The following LSM11 variants were observed in gnomAD, a reference collection of about 807,000 sequenced individuals.
LSM11 encodes U7 snRNA-associated Sm-like protein LSm11.
Under a neutral mutation model 28.1 loss-of-function variants are expected in LSM11, and 14 were observed. The ratio of observed to expected loss-of-function variants is 0.50; its 90% CI spans 0.33 to 0.78. LSM11 has a LOEUF of 0.78. LSM11 is among the 30% of genes least tolerant of loss of function. LSM11 has a pLI of 0.02. For missense variants in LSM11, 495 were observed against 510.6 expected (o/e 0.97, Z 0.30); for synonymous variants, 207 against 214.2 (o/e 0.97, Z 0.30).
At chr5:157,753,828 T>G (rs190176288) in intron 2 of LSM11, among the ~76,000 whole-genome samples, 176 bp from the exon 3 acceptor site, 3 of 152,320 alleles carry the variant, frequency 2.0e-5, no homozygotes, top group Admixed American at 6.5e-5. Flanking sequence ...CTTAAAAATA[T>G]TACACAGAAG....
chr5:157,752,681 T>C (rs1405291008), intron 2 of LSM11, among the ~76,000 whole-genome samples: 2 of 151,270 alleles, frequency 1.3e-5, no homozygotes, highest in African/African-American at 4.9e-5. Context: ...CCCCCATCTC[T>C]ACTAAAAATA....
At position 157,757,467 on chromosome 5, in the gene LSM11, G is replaced by A. The variant is rs568389910; in HGVS notation, c.*2203G>A. The A allele has an allele frequency of 3.3e-5, 5 of 152,266 alleles. No homozygotes were observed. The East Asian group carries it at 5.8e-4, about 18-fold the overall frequency. The allele number at this position is 152,266 out of a possible 1,614,324, so 9.4% of individuals were successfully genotyped here. On this transcript the variant is annotated 3_prime_UTR_variant, in exon 4 of 4. Coordinates refer to ENST00000286307, the MANE Select transcript of LSM11 (RefSeq NM_173491.4). Reference sequence around the variant, plus strand: ...TGAGCATCTAAAAATGACACATCCCGAAAGGGCAATCTGTGGAAGTTTGTT... The same window carrying A: ...TGAGCATCTAAAAATGACACATCCCAAAAGGGCAATCTGTGGAAGTTTGTT...
chr5:157,743,801 G>C lies in LSM11; in HGVS notation c.51G>C (p.Ala17=). The C allele has an allele frequency of 6.8e-7, 1 of 1,472,962 alleles. No homozygotes were observed. Among genetic ancestry groups the C allele is most frequent in the Non-Finnish European group, 9.0e-7 (1 of 1,117,032 alleles). 91.2% of individuals were successfully genotyped at this position (1,472,962 alleles called of 1,614,324 possible). A position where few individuals can be genotyped will look rare whatever the true frequency, so the allele number is the denominator to read the frequency against. The change falls in exon 1 of 4, where the codon GCG becomes GCC. Residue 17 remains alanine (A), a synonymous_variant. Coordinates refer to ENST00000286307, the MANE Select transcript of LSM11 (RefSeq NM_173491.4). ...GGTCGGCTGGCGCCGGGAGCCCCGC[G>C]CGCCCGCCCAGCCCGCGGCTGGATG... is the stretch of plus-strand genomic sequence containing the variant. The part of the protein sequence containing the change: ...GARSAGAGSP[A]RPPSPRLDVS...
Position 157,751,442 on chromosome 5 carries a change from G to A in LSM11, c.501G>A (p.Val167=), listed in dbSNP as rs758516954. The A allele has an allele frequency of 1.2e-6, 2 of 1,612,412 alleles. No homozygotes were observed. Among genetic ancestry groups the A allele is most frequent in the Non-Finnish European group, 1.7e-6 (2 of 1,179,418 alleles). The change falls in exon 2 of 4, where the codon GTG becomes GTA. Residue 167 remains valine (V), a synonymous_variant. Transcript: ENST00000286307. ...GELHRCIREG[V]KVNVHIRTFK... is the part of the protein sequence containing the mutation. ...TCCATCGCTGTATCCGTGAGGGGGTGAAGGTGAATGTTCACATCCGCACTT... is the reference window on the plus strand; with the variant it reads ...TCCATCGCTGTATCCGTGAGGGGGTAAAGGTGAATGTTCACATCCGCACTT...
At position 157,747,192 on chromosome 5, in the gene LSM11, AT is replaced by A. The variant is rs1423233363; in HGVS notation, c.448+2995del. Among the ~76,000 whole-genome samples the A allele has an allele frequency of 2.6e-5, 4 of 152,194 alleles. No homozygotes were observed. In the East Asian group the frequency reaches 7.7e-4, roughly 29 times the overall value. On this transcript the variant is annotated intron_variant, in intron 1 of 3. Transcript: ENST00000286307. Reference sequence around the variant, plus strand: ...TATTTCTCCTTAGTATCGCAGCACCATACCTAGCCCACGGTGGTTCTGGTTT... The same window carrying A: ...TATTTCTCCTTAGTATCGCAGCACCAACCTAGCCCACGGTGGTTCTGGTTT...
chr5:157,744,182 G>A lies in LSM11; in HGVS notation c.432G>A (p.Val144=). The A allele has an allele frequency of 7.5e-7, 1 of 1,340,746 alleles. No individual in the cohort carries two copies. Among genetic ancestry groups the A allele is most frequent in the Non-Finnish European group, 9.6e-7 (1 of 1,043,968 alleles). The allele number at this position is 1,340,746 out of a possible 1,614,324, so 83.1% of individuals were successfully genotyped here. A position where few individuals can be genotyped will look rare whatever the true frequency, so the allele number is the denominator to read the frequency against. ...GGAGCAGGAAGGCGCCACGCAACGTGCTCACGCGAATGCCCTGTGAGTCCG... is the reference window on the plus strand; with the variant it reads ...GGAGCAGGAAGGCGCCACGCAACGTACTCACGCGAATGCCCTGTGAGTCCG... The part of the protein sequence containing the change: ...PGRSRKAPRN[V]LTRMPLHEGS... The change falls in exon 1 of 4, where the codon GTG becomes GTA. Residue 144 remains valine, a synonymous_variant. Coordinates refer to ENST00000286307, the MANE Select transcript of LSM11 (RefSeq NM_173491.4).
chr5:157,743,942 G>C lies in LSM11; in HGVS notation c.192G>C (p.Arg64Ser). ...NNVAEYESFLRTGVRGGGRGR... is the reference protein window; with the variant it reads ...NNVAEYESFLSTGVRGGGRGR... ...TGGCGGAGTACGAGAGCTTCCTCAGGACCGGAGTCCGGGGCGGCGGGCGCG... is the reference window on the plus strand; with the variant it reads ...TGGCGGAGTACGAGAGCTTCCTCAGCACCGGAGTCCGGGGCGGCGGGCGCG... The change falls in exon 1 of 4, where the codon AGG becomes AGC. Residue 64 changes from arginine (R) to serine (S), a missense_variant. Coordinates refer to ENST00000286307, the MANE Select transcript of LSM11 (RefSeq NM_173491.4). The C allele has an allele frequency of 7.1e-7, 1 of 1,409,778 alleles. No individual in the cohort carries two copies. Among genetic ancestry groups the C allele is most frequent in the Non-Finnish European group, 9.3e-7 (1 of 1,076,390 alleles). 87.3% of individuals were successfully genotyped at this position (1,409,778 alleles called of 1,614,324 possible). A position where few individuals can be genotyped will look rare whatever the true frequency, so the allele number is the denominator to read the frequency against.
rs1761337508 is a variant in LSM11 at position 157,756,970 on chromosome 5, A to G, written c.*1706A>G. ...ATCACAAGGTCAGGAGATCAAGACC[A>G]TCCTGGCTAACACGGTGAAACCCTG... On this transcript the variant is annotated 3_prime_UTR_variant, in exon 4 of 4. Transcript: ENST00000286307. The G allele has an allele frequency of 6.6e-6, 1 of 152,172 alleles. No individual in the cohort carries two copies. The highest frequency in any genetic ancestry group is 6.5e-5 in the Admixed American group (1 of 15,278). 9.4% of individuals were successfully genotyped at this position (152,172 alleles called of 1,614,324 possible).
rs545542719 is a variant in LSM11, at chr5:157,749,803, T to C, written c.449-1587T>C. On this transcript the variant is annotated intron_variant, in intron 1 of 3. Coordinates refer to ENST00000286307, the MANE Select transcript of LSM11 (RefSeq NM_173491.4). ...AACTCCTGCTAGTCTGCTAAGTCAT[T>C]TTCTTCTAAGAATCTTTTATTAATT... is the stretch of plus-strand genomic sequence containing the variant. Among the ~76,000 whole-genome samples, 237 of 152,360 alleles carry C rather than the reference T, an allele frequency of 1.6e-3. 1 individual carries two copies. Among genetic ancestry groups the C allele is most frequent in the African/African-American group, 5.4e-3 (223 of 41,582 alleles).
At chr5:157,752,932 G>A (rs894684108) in intron 2 of LSM11, among the ~76,000 whole-genome samples, 1 of 150,536 alleles carries the variant, frequency 6.6e-6, no homozygotes, top group Non-Finnish European at 1.5e-5. Flanking sequence ...CCTTTTCCCT[G>A]TGCTTTATCC....
At chr5:157,749,606 A>ACACACACC (rs1554095384) in intron 1 of LSM11, among the ~76,000 whole-genome samples, 1 of 151,690 alleles carries the variant, frequency 6.6e-6, no homozygotes, top group African/African-American at 2.4e-5. Context: ...ACACACACAC[A>ACACACACC]CCCACACACC....
intron 2 of LSM11, among the ~76,000 whole-genome samples, chr5:157,752,843 C>CAAAAAA (rs553164268): frequency 9.7e-6 from 1 of 103,310 alleles, no homozygotes; most frequent in Non-Finnish European, 2.0e-5. Context: ...GAGACTCTGT[C>CAAAAAA]AAAAAAAAAA....
At chr5:157,746,937 G>A (rs1174800820) in intron 1 of LSM11, among the ~76,000 whole-genome samples, 1 of 152,062 alleles carries the variant, frequency 6.6e-6, no homozygotes, top group Non-Finnish European at 1.5e-5. Context: ...AAGTATAGGA[G>A]GCTGTTGCAA....
chr5:157,759,131 G>T lies in LSM11; in HGVS notation c.*3867G>T, dbSNP rs1761373844. 6.6e-6 allele frequency: 1 copy of T among 152,200 alleles called. No homozygotes were observed. The highest frequency in any genetic ancestry group is 2.4e-5 in the African/African-American group (1 of 41,448). 9.4% of individuals were successfully genotyped at this position (152,200 alleles called of 1,614,324 possible). ...TTGTGCATGGTGCATGTCAAGTCAGGAAGCCAAGAAACCGTTGGCATTAAA... is the reference window on the plus strand; with the variant it reads ...TTGTGCATGGTGCATGTCAAGTCAGTAAGCCAAGAAACCGTTGGCATTAAA... On this transcript the variant is annotated 3_prime_UTR_variant, in exon 4 of 4. Transcript: ENST00000286307.
rs1365411274 is a variant in LSM11, at chr5:157,756,305, G to A, written c.*1041G>A. On this transcript the variant is annotated 3_prime_UTR_variant, in exon 4 of 4. Transcript: ENST00000286307. ...CAAAGTACAGTGGGTAGTGTCTAAA[G>A]CGACACTTTACTCACAGCCTGGCTT... The A allele has an allele frequency of 6.6e-6, 1 of 152,652 alleles. No homozygotes were observed. Among genetic ancestry groups the A allele is most frequent in the East Asian group, 1.9e-4 (1 of 5,200 alleles). The allele number at this position is 152,652 out of a possible 1,614,324, so 9.5% of individuals were successfully genotyped here. A position where few individuals can be genotyped will look rare whatever the true frequency, so the allele number is the denominator to read the frequency against.
intron 1 of LSM11, among the ~76,000 whole-genome samples, chr5:157,749,495 C>T (rs992402570): frequency 1.2e-4 from 19 of 152,188 alleles, no homozygotes; most frequent in African/African-American, 4.3e-4. Context: ...ATCAGGTTCA[C>T]ACAACTAGTT....
At chr5:157,745,181 C>T (rs1761129580) in intron 1 of LSM11, among the ~76,000 whole-genome samples, 1 of 152,150 alleles carries the variant, frequency 6.6e-6, no homozygotes, top group South Asian at 2.1e-4. Flanking sequence ...TGACATCTGC[C>T]CTGTGAACAC....
rs553164268 is a variant in LSM11, at chr5:157,752,843, CAAAAAAA to C, written c.589-1145_589-1139del. On this transcript the variant is annotated intron_variant, in intron 2 of 3. Transcript: ENST00000286307. Reference sequence around the variant, plus strand: ...CCTGGGTGGCAGAGCGAGACTCTGTCAAAAAAAAAAAAAAAAAAAAAAGAACCACCAG... The same window carrying C: ...CCTGGGTGGCAGAGCGAGACTCTGTCAAAAAAAAAAAAAAAGAACCACCAG... 7.7e-3 allele frequency among the ~76,000 whole-genome samples: 797 copies of C among 103,284 alleles called. 8 individuals are homozygous for C. The highest frequency in any genetic ancestry group is 0.016 in the Admixed American group (153 of 9,750). The allele number at this position is 103,284 out of a possible 152,430, so 67.8% of individuals were successfully genotyped here.
chr5:157,750,802 G>T (rs1761219674), intron 1 of LSM11, among the ~76,000 whole-genome samples: 1 of 152,170 alleles, frequency 6.6e-6, no homozygotes. Context: ...TGTTTCTCAA[G>T]ATGGAGTCTT....
Sources: gnomAD v4.1 joint callset for allele counts (sites outside exome capture counted in the v4.1 genomes callset) on GRCh38, gnomAD v4.1.1 for gene constraint, MANE v1.5 for transcripts, NCBI Gene and HGNC (gene_info 2026-07-23, HGNC 2026-07-21) for gene names.